The following IQSEC2 variants were observed in gnomAD, a reference collection of about 807,000 sequenced individuals.
IQSEC2 encodes the protein IQ motif and Sec7 domain ArfGEF 2.
Under a neutral mutation model 74.6 loss-of-function variants are expected in IQSEC2, and 6 were observed. That is an observed-to-expected ratio of 0.08 (90% CI 0.04 to 0.16). The LOEUF is 0.16. IQSEC2 is among the 10% of genes least tolerant of loss of function. IQSEC2 has a pLI of 1.00. For synonymous variants in IQSEC2, 494 were observed against 544.5 expected (o/e 0.91, Z 1.29); for missense variants, 734 against 1,306.2 (o/e 0.56, Z 6.75).
chrX:53,320,379 A>C, intron 1 of IQSEC2, 38 bp downstream of exon 1: 2 of 1,089,033 alleles, frequency 1.8e-6, no homozygotes, highest in Non-Finnish European at 2.5e-6. Flanking sequence ...AGAGGGATCT[A>C]GAGGGAAGAG....
At chrX:53,277,514 C>T (rs1025481624) in intron 2 of IQSEC2, among the ~76,000 whole-genome samples, 3 of 110,603 alleles carry the variant, frequency 2.7e-5, no homozygotes, top group Non-Finnish European at 5.7e-5. Context: ...CTACCACGCC[C>T]GGCCACTTTG....
At chrX:53,300,853 C>G (rs1270141160) in intron 1 of IQSEC2, among the ~76,000 whole-genome samples, 2 of 111,448 alleles carry the variant, frequency 1.8e-5, no homozygotes, top group Non-Finnish European at 3.8e-5. Flanking sequence ...CGTGGTATAT[C>G]AGTTGCCACT....
chrX:53,243,536 C>T (rs1186093242), intron 8 of IQSEC2, 65 bp from the exon 9 acceptor site: 2 of 1,104,403 alleles, frequency 1.8e-6, no homozygotes, highest in Admixed American at 3.1e-5. Flanking sequence ...AGGGGTGCTC[C>T]ACCACCCCCA....
At chrX:53,308,636 G>A (rs145245670) in intron 1 of IQSEC2, among the ~76,000 whole-genome samples, 1 of 111,487 alleles carries the variant, frequency 9.0e-6, no homozygotes, top group Non-Finnish European at 1.9e-5. Context: ...AGGTGGAAGA[G>A]GGGAAGGAGA....
At chrX:53,274,454 T>TTC (rs1556869113) in intron 2 of IQSEC2, among the ~76,000 whole-genome samples, 1 of 60,698 alleles carries the variant, frequency 1.6e-5, no homozygotes, top group Non-Finnish European at 3.1e-5. Flanking sequence ...TTACATTTCT[T>TTC]TTTTTTTTTT....
chrX:53,243,158 T>C (rs1429893575), intron 9 of IQSEC2, among the ~76,000 whole-genome samples, 174 bp downstream of exon 9: 1 of 112,173 alleles, frequency 8.9e-6, no homozygotes, highest in Non-Finnish European at 1.9e-5. Flanking sequence ...CTATGGGCCT[T>C]GGAATGTGCT....
At chrX:53,311,142 A>T (rs1283603788) in intron 1 of IQSEC2, among the ~76,000 whole-genome samples, 2 of 101,387 alleles carry the variant, frequency 2.0e-5, no homozygotes, top group Non-Finnish European at 4.0e-5. Context: ...AAAAGAAAAG[A>T]AAAGAAAAGA....
chrX:53,254,259 G>T (rs1327210525), intron 4 of IQSEC2, among the ~76,000 whole-genome samples: 2 of 107,301 alleles, frequency 1.9e-5, no homozygotes, highest in African/African-American at 6.9e-5. Context: ...GAACCCAGGA[G>T]GCAGAGGTTA....
At chrX:53,287,424 A>G (rs2075044018) in intron 2 of IQSEC2, among the ~76,000 whole-genome samples, 1 of 112,572 alleles carries the variant, frequency 8.9e-6, no homozygotes, top group African/African-American at 3.2e-5. Context: ...GCTCACACAC[A>G]CTGACATTCA....
chrX:53,237,494 T>G (rs1342566311), intron 12 of IQSEC2: 3 of 115,329 alleles, frequency 2.6e-5, no homozygotes, highest in African/African-American at 9.7e-5. Context: ...TAACTGTGAC[T>G]GCTTAGCCTG....
downstream of IQSEC2, chrX:53,227,050 T>C: frequency 9.0e-6 from 1 of 111,588 alleles, no homozygotes; most frequent in Middle Eastern, 4.6e-3. Context: ...AAGATCTTTA[T>C]CCCCACTTGG....
At chrX:53,296,399 C>T (rs782289447) in intron 1 of IQSEC2, among the ~76,000 whole-genome samples, 104 of 111,106 alleles carry the variant, frequency 9.4e-4, no homozygotes, top group African/African-American at 3.3e-3. Flanking sequence ...CTCCCAGGAG[C>T]GTCCTAAGGA....
chrX:53,299,871 C>A (rs2075192861), intron 1 of IQSEC2, among the ~76,000 whole-genome samples: 1 of 111,664 alleles, frequency 9.0e-6, no homozygotes, highest in Non-Finnish European at 1.9e-5. Context: ...CCACCTCAGC[C>A]TCCTGAGTAG....
rs146005292 is a variant in IQSEC2 at position 53,279,131 on chromosome X, A to G, written c.737+12764T>C. 811 of 114,505 alleles carry G rather than the reference A, an allele frequency of 7.1e-3. 6 individuals are homozygous for G. The highest frequency in any genetic ancestry group is 0.024 in the African/African-American group (743 of 30,551). 9.4% of individuals were successfully genotyped at this position (114,505 alleles called of 1,213,427 possible). A position where few individuals can be genotyped will look rare whatever the true frequency, so the allele number is the denominator to read the frequency against. ...AGGAGGCAGAGGCTGCAGTGAGCCG[A>G]GATCGCACCACAGCACTCTAGTCTG... On this transcript the variant is annotated intron_variant, in intron 2 of 14. Transcript: ENST00000642864.
chrX:53,232,428 GC>G (rs2146993559), downstream of IQSEC2, among the ~76,000 whole-genome samples: 1 of 111,835 alleles, frequency 8.9e-6, no homozygotes, highest in African/African-American at 3.2e-5. Flanking sequence ...GAGAGGAGAT[GC>G]CCCAAGAGTG....
intron 8 of IQSEC2, among the ~76,000 whole-genome samples, chrX:53,243,962 G>A (rs2074263226): frequency 8.9e-6 from 1 of 111,942 alleles, no homozygotes; most frequent in African/African-American, 3.2e-5. Context: ...GCTCACGCCT[G>A]TACTCCCAGC....
downstream of IQSEC2, chrX:53,226,171 A>G (rs2074036446): frequency 8.9e-6 from 1 of 112,712 alleles, no homozygotes; most frequent in African/African-American, 3.2e-5. Flanking sequence ...ATTTAGTCCT[A>G]TCGTGTGCAT....
Position 53,235,773 on chromosome X carries a change from T to C in IQSEC2, c.3501+10A>G. 1 of 1,166,064 alleles carries C rather than the reference T, an allele frequency of 8.6e-7. No homozygotes were observed. The highest frequency in any genetic ancestry group is 1.1e-6 in the Non-Finnish European group (1 of 871,876). ...TGCAGAGGACGAGTGGGGCAGGAGC[T>C]GGCACTTACTTCGATGGTGCTGTCC... On this transcript the variant is annotated intron_variant, in intron 14 of 14. Transcript: ENST00000642864.
At chrX:53,244,552 G>A (rs1278662546) in intron 8 of IQSEC2, among the ~76,000 whole-genome samples, 1 of 106,783 alleles carries the variant, frequency 9.4e-6, no homozygotes, top group South Asian at 4.0e-4. Context: ...AACTCACTAA[G>A]TGTTACTTAT....
Sources: allele counts gnomAD v4.1 joint callset (sites outside exome capture counted in the v4.1 genomes callset), GRCh38; gene constraint gnomAD v4.1.1; transcripts MANE v1.5; gene names NCBI Gene and HGNC (gene_info 2026-07-23, HGNC 2026-07-21).